The following STXBP4 variants were observed in gnomAD, a reference collection of about 807,000 sequenced individuals.
STXBP4 encodes syntaxin-binding protein 4.
A neutral mutation model predicts 76.1 loss-of-function variants in STXBP4; 55 were observed. That is an observed-to-expected ratio of 0.72 (90% confidence interval 0.58 to 0.91). The LOEUF is 0.91. Among genes scored for constraint, STXBP4 ranks in the 40% least tolerant of loss-of-function variants. The pLI, the probability that STXBP4 is intolerant of heterozygous loss-of-function variation, is 0.00. For missense variants in STXBP4, 618 were observed against 636.9 expected (o/e 0.97, Z 0.32); for synonymous variants, 201 against 220.2 (o/e 0.91, Z 0.77).
At chr17:55,174,237 G>C (rs905605209), downstream of STXBP4, among the ~76,000 whole-genome samples, 4 of 152,158 alleles carry the variant, frequency 2.6e-5, no homozygotes, top group Admixed American at 2.0e-4. Context: ...ATGTTATTCT[G>C]CCTGCTTATC....
At chr17:55,038,642 G>A (rs537265464) in intron 10 of STXBP4, among the ~76,000 whole-genome samples, 10 of 152,086 alleles carry the variant, frequency 6.6e-5, no homozygotes, top group African/African-American at 2.4e-4. Flanking sequence ...TACACCTGCT[G>A]CTGGCACAAG....
chr17:54,975,082 T>A (rs2077452024), intron 1 of STXBP4, among the ~76,000 whole-genome samples: 4 of 152,206 alleles, frequency 2.6e-5, no homozygotes, highest in Admixed American at 2.6e-4. Context: ...AAGTCCTGAT[T>A]CCTACCCCAC....
rs2080323557 is a variant in STXBP4, at chr17:55,160,007, A to G, written c.*96A>G. 4 of 686,772 alleles carry G rather than the reference A, an allele frequency of 5.8e-6. No individual in the cohort carries two copies. Among genetic ancestry groups the G allele is most frequent in the Non-Finnish European group, 7.5e-6 (3 of 399,588 alleles). 42.5% of individuals were successfully genotyped at this position (686,772 alleles called of 1,614,324 possible). On this transcript the variant is annotated 3_prime_UTR_variant, in exon 18 of 18. Coordinates refer to ENST00000376352, the MANE Select transcript of STXBP4 (RefSeq NM_178509.6). ...AAACAGTCTAAAATAGGAGTAAAGC[A>G]TGCACTACTTGTTGAAGTGTGAAAT... is the stretch of plus-strand genomic sequence containing the variant.
At chr17:55,104,244 A>G (rs1054330029) in intron 16 of STXBP4, among the ~76,000 whole-genome samples, 6 of 152,168 alleles carry the variant, frequency 3.9e-5, no homozygotes, top group African/African-American at 1.4e-4. Flanking sequence ...CCCATTCAGT[A>G]TGATATTGGC....
Position 54,990,730 on chromosome 17 carries a change from CTAGATCTCAGATTTTGATT to C in STXBP4, c.48-92_48-74del, listed in dbSNP as rs1273236986. On this transcript the variant is annotated intron_variant, in intron 3 of 17. Coordinates refer to ENST00000376352, the MANE Select transcript of STXBP4 (RefSeq NM_178509.6). ...CCAAAAAAGGTGAGGGGTTGCTGCTCTAGATCTCAGATTTTGATTTAATAAGTAGTTTAAAGAAAAAAAT... is the reference window on the plus strand; with the variant it reads ...CCAAAAAAGGTGAGGGGTTGCTGCTCTAATAAGTAGTTTAAAGAAAAAAAT... The C allele has an allele frequency of 5.6e-6, 8 of 1,437,766 alleles. No individual in the cohort carries two copies. In the East Asian group the frequency reaches 2.1e-4, roughly 38 times the overall value. 89.1% of individuals were successfully genotyped at this position (1,437,766 alleles called of 1,614,324 possible). A position where few individuals can be genotyped will look rare whatever the true frequency, so the allele number is the denominator to read the frequency against.
chr17:55,163,074 T>C lies in STXBP4; in HGVS notation c.*3163T>C, dbSNP rs1296147548. The C allele has an allele frequency of 6.6e-6, 1 of 152,216 alleles. No individual in the cohort carries two copies. The highest frequency in any genetic ancestry group is 1.5e-5 in the Non-Finnish European group (1 of 68,038). 9.4% of individuals were successfully genotyped at this position (152,216 alleles called of 1,614,324 possible). A position where few individuals can be genotyped will look rare whatever the true frequency, so the allele number is the denominator to read the frequency against. ...TTCTTGATCAAAGCTAGGTCAAAGT[T>C]ACATTCATTTTAATTTTGGTACATA... is the stretch of plus-strand genomic sequence containing the variant. On this transcript the variant is annotated 3_prime_UTR_variant, in exon 18 of 18. Coordinates refer to ENST00000376352, the MANE Select transcript of STXBP4 (RefSeq NM_178509.6).
At chr17:55,037,327 A>ATCTTTGT (rs2078620288) in intron 10 of STXBP4, among the ~76,000 whole-genome samples, 1 of 152,180 alleles carries the variant, frequency 6.6e-6, no homozygotes, top group Non-Finnish European at 1.5e-5. Context: ...AGTTTACAAC[A>ATCTTTGT]AGCCAATGAA....
rs532726876 is a variant in STXBP4, at chr17:54,972,132, C to G, written c.-157+3317C>G. ...GGTTTCATGATGTTAACTTCTGTTT[C>G]TTTAAGATTGGGTCTGCCAGGTTTC... On this transcript the variant is annotated intron_variant, in intron 1 of 17. Coordinates refer to ENST00000376352, the MANE Select transcript of STXBP4 (RefSeq NM_178509.6). Among the ~76,000 whole-genome samples, 47 of 152,304 alleles carry G rather than the reference C, an allele frequency of 3.1e-4. 1 individual carries two copies. Among genetic ancestry groups the G allele is most frequent in the Middle Eastern group, 6.8e-3 (2 of 294 alleles).
intron 10 of STXBP4, among the ~76,000 whole-genome samples, chr17:55,037,177 G>A (rs76452853): frequency 3.3e-5 from 5 of 152,046 alleles, no homozygotes; most frequent in East Asian, 3.8e-4. Flanking sequence ...TATTCAAGGC[G>A]CACAGTTTTC....
intron 16 of STXBP4, among the ~76,000 whole-genome samples, chr17:55,129,070 C>A (rs925738422): frequency 1.3e-5 from 2 of 151,842 alleles, no homozygotes; most frequent in African/African-American, 4.8e-5. Flanking sequence ...GCTGGGACTA[C>A]AGACACTCGC....
chr17:55,018,467 A>T (rs764585671), intron 8 of STXBP4, among the ~76,000 whole-genome samples: 1 of 152,166 alleles, frequency 6.6e-6, no homozygotes, highest in Non-Finnish European at 1.5e-5. Flanking sequence ...CAGAGCTCCC[A>T]TAGAAAGGGA....
intron 7 of STXBP4, 111 bp downstream of exon 7, chr17:55,000,994 C>A: frequency 1.5e-6 from 1 of 688,736 alleles, no homozygotes; most frequent in East Asian, 2.9e-5. Context: ...GTCTTTGTTC[C>A]TTCAGTGAAC....
intron 12 of STXBP4, among the ~76,000 whole-genome samples, chr17:55,054,645 C>T (rs1037853046): frequency 2.0e-5 from 3 of 152,124 alleles, no homozygotes. Flanking sequence ...TCAGCTTCCT[C>T]ATCTGCAAAA....
At chr17:55,183,861 A>G in the STXBP4 span, among the ~76,000 whole-genome samples, 1 of 152,230 alleles carries the variant, frequency 6.6e-6, no homozygotes, top group African/African-American at 2.4e-5. Flanking sequence ...TATGTGAACC[A>G]AATAATATAC....
intron 17 of STXBP4, among the ~76,000 whole-genome samples, chr17:55,155,555 T>C (rs958825766): frequency 1.3e-5 from 2 of 149,604 alleles, no homozygotes; most frequent in Admixed American, 6.7e-5. Context: ...TACTTTTGGC[T>C]CTTTATTCCA....
chr17:55,084,170 A>G (rs1161454733), intron 16 of STXBP4, among the ~76,000 whole-genome samples: 1 of 152,110 alleles, frequency 6.6e-6, no homozygotes, highest in East Asian at 1.9e-4. Flanking sequence ...AATGATTGCC[A>G]TTCTAACTGG....
At chr17:54,994,296 GAT>G (rs1326169467) in intron 4 of STXBP4, among the ~76,000 whole-genome samples, 1 of 152,102 alleles carries the variant, frequency 6.6e-6, no homozygotes, top group Non-Finnish European at 1.5e-5. Flanking sequence ...TCAGTTCCCT[GAT>G]CAACATTTTT....
chr17:55,027,738 T>C (rs1598227747), intron 8 of STXBP4, among the ~76,000 whole-genome samples: 1 of 152,088 alleles, frequency 6.6e-6, no homozygotes, highest in East Asian at 1.9e-4. Flanking sequence ...GATAAAACCA[T>C]TTTAAAATAA....
chr17:55,196,227 C>T, the STXBP4 span, among the ~76,000 whole-genome samples: 1 of 152,122 alleles, frequency 6.6e-6, no homozygotes, highest in East Asian at 1.9e-4. Context: ...GCTTCTTTCT[C>T]CCCTGCAATG....
Sources: gnomAD v4.1 joint callset for allele counts (sites outside exome capture counted in the v4.1 genomes callset) on GRCh38, gnomAD v4.1.1 for gene constraint, MANE v1.5 for transcripts, NCBI Gene and HGNC (gene_info 2026-07-23, HGNC 2026-07-21) for gene names.